The following CDC26 variants were observed in gnomAD, a reference collection of about 807,000 sequenced individuals.
CDC26 encodes the protein anaphase-promoting complex subunit CDC26.
A neutral mutation model predicts 8.0 loss-of-function variants in CDC26; 2 were observed. The observed-to-expected ratio is 0.25, with a 90% CI of 0.10 to 0.79. The LOEUF (loss-of-function observed/expected upper bound fraction) is 0.79. Ranked by LOEUF, CDC26 falls within the 30% of genes least tolerant of loss-of-function variation. CDC26 has a pLI of 0.70. For synonymous variants in CDC26, 19 were observed against 34.9 expected (o/e 0.55, Z 1.60); for missense variants, 68 against 106.0 (o/e 0.64, Z 1.57).
chr9:113,274,669 C>T (rs914053647), intron 1 of CDC26, among the ~76,000 whole-genome samples: 1 of 152,202 alleles, frequency 6.6e-6, no homozygotes, highest in African/African-American at 2.4e-5. Context: ...ACTACACCAC[C>T]GATCCTGAAC....
Position 113,272,414 on chromosome 9 carries a change from G to A in CDC26, c.81+13C>T, listed in dbSNP as rs759841509. On this transcript the variant is annotated intron_variant, in intron 3 of 3. Coordinates refer to ENST00000374206, the MANE Select transcript of CDC26 (RefSeq NM_139286.4). Reference sequence around the variant, plus strand: ...AGACTCCATCTCAAAAAAACACAAAGTTGTATTCATACCTCCAGGTCCTTT... The same window carrying A: ...AGACTCCATCTCAAAAAAACACAAAATTGTATTCATACCTCCAGGTCCTTT... 1 of 1,599,352 alleles carries A rather than the reference G, an allele frequency of 6.3e-7. No individual in the cohort carries two copies. The highest frequency in any genetic ancestry group is 8.6e-7 in the Non-Finnish European group (1 of 1,168,278).
chr9:113,275,515 T>C lies in CDC26; in HGVS notation c.-285A>G, dbSNP rs1832053588. 4.1e-6 allele frequency: 2 copies of C among 487,572 alleles called. No individual in the cohort carries two copies. Among genetic ancestry groups the C allele is most frequent in the Non-Finnish European group, 7.4e-6 (2 of 271,638 alleles). 30.2% of individuals were successfully genotyped at this position (487,572 alleles called of 1,614,324 possible). A position where few individuals can be genotyped will look rare whatever the true frequency, so the allele number is the denominator to read the frequency against. On this transcript the variant is annotated 5_prime_UTR_variant, in exon 1 of 4. Transcript: ENST00000374206. ...CCGCAGAACCTCGTCTTCCGCGAGC[T>C]TTTCCTGGAGGTTCTAGGAGGGATG...
At chr9:113,271,996 T>C (rs985521379) in intron 3 of CDC26, among the ~76,000 whole-genome samples, 3 of 152,120 alleles carry the variant, frequency 2.0e-5, no homozygotes, top group Non-Finnish European at 4.4e-5. Context: ...CTGCCCAACA[T>C]AGAGACAAGG....
At position 113,272,310 on chromosome 9, in the gene CDC26, C is replaced by G. The variant is rs574384410; in HGVS notation, c.81+117G>C. The G allele has an allele frequency of 5.7e-5, 43 of 751,890 alleles. 3 individuals are homozygous for G. In the South Asian group the frequency reaches 6.5e-4, roughly 11 times the overall value. The allele number at this position is 751,890 out of a possible 1,614,324, so 46.6% of individuals were successfully genotyped here. A position where few individuals can be genotyped will look rare whatever the true frequency, so the allele number is the denominator to read the frequency against. ...GGCATGAACCTGTGGTCCCAGCACG[C>G]GGGAGGCTGAGGCAGAGGAGGCAGA... On this transcript the variant is annotated intron_variant, in intron 3 of 3. Coordinates refer to ENST00000374206, the MANE Select transcript of CDC26 (RefSeq NM_139286.4).
chr9:113,269,120 C>T (rs1313970680), intron 3 of CDC26, among the ~76,000 whole-genome samples: 1 of 152,084 alleles, frequency 6.6e-6, no homozygotes, highest in African/African-American at 2.4e-5. Context: ...ATTCAGGGGG[C>T]CTGATGTGGT....
At chr9:113,268,782 GTCTC>G (rs1218591517) in intron 3 of CDC26, among the ~76,000 whole-genome samples, 3 of 151,946 alleles carry the variant, frequency 2.0e-5, no homozygotes, top group Admixed American at 1.3e-4. Context: ...TTTAGACTGA[GTCTC>G]TGTCTGTTGC....
At chr9:113,267,847 C>T (rs1831887439) in intron 3 of CDC26, among the ~76,000 whole-genome samples, 2 of 152,208 alleles carry the variant, frequency 1.3e-5, no homozygotes, top group South Asian at 4.1e-4. Flanking sequence ...ATTAGCTGGG[C>T]ATGGTGGCGC....
chr9:113,272,589 A>G (rs1831976603), intron 2 of CDC26, 41 bp from the exon 3 acceptor site: 3 of 949,130 alleles, frequency 3.2e-6, no homozygotes, highest in Admixed American at 1.8e-5. Flanking sequence ...TGAAGGTGAT[A>G]AAGTCTCAGA....
At chr9:113,269,240 A>T (rs140684401) in intron 3 of CDC26, among the ~76,000 whole-genome samples, 38 of 152,324 alleles carry the variant, frequency 2.5e-4, no homozygotes, top group East Asian at 2.3e-3. Flanking sequence ...AAATAAAAAA[A>T]AAAAATAAAT....
In CDC26 at chr9:113,272,450, C is replaced by T; in HGVS notation, c.58G>A (p.Glu20Lys). 6.2e-7 allele frequency: 1 copy of T among 1,612,668 alleles called. No homozygotes were observed. Among genetic ancestry groups the T allele is most frequent in the Non-Finnish European group, 8.5e-7 (1 of 1,179,588 alleles). The change falls in exon 3 of 4, where the codon GAG becomes AAG. Residue 20 changes from glutamate (E) to lysine (K), a missense_variant. Transcript: ENST00000374206. Reference sequence around the variant, plus strand: ...ACCTCCAGGTCCTTTCGAATGTTCTCAAACTCTTCAATGTCATCAAGCTTT... The same window carrying T: ...ACCTCCAGGTCCTTTCGAATGTTCTTAAACTCTTCAATGTCATCAAGCTTT... The part of the protein sequence containing the change: ...ELKLDDIEEF[E>K]NIRKDLETRK...
chr9:113,269,808 A>T (rs1415590811), intron 3 of CDC26, among the ~76,000 whole-genome samples: 1 of 152,238 alleles, frequency 6.6e-6, no homozygotes, highest in Non-Finnish European at 1.5e-5. Context: ...AGGGGGAAAG[A>T]AATCTAAGTT....
chr9:113,270,528 T>C (rs12336832), intron 3 of CDC26, among the ~76,000 whole-genome samples: 14,000 of 152,144 alleles, frequency 0.092, 993 homozygotes, highest in African/African-American at 0.19. Context: ...AATATGGTGC[T>C]TTGTGAGAGC....
chr9:113,272,514 G>A lies in CDC26; in HGVS notation c.-7C>T. 1 of 1,601,656 alleles carries A rather than the reference G, an allele frequency of 6.2e-7. No individual in the cohort carries two copies. The highest frequency in any genetic ancestry group is 8.6e-7 in the Non-Finnish European group (1 of 1,168,650). ...TTGGTTTCCGTCTCAGCATACTGAA[G>A]TCAACACTAAGGGCCAAACCCAGTG... On this transcript the variant is annotated 5_prime_UTR_variant, in exon 3 of 4. Transcript: ENST00000374206.
intron 3 of CDC26, 147 bp downstream of exon 3, chr9:113,272,280 G>A (rs557410935): frequency 9.6e-5 from 61 of 633,294 alleles, no homozygotes; most frequent in African/African-American, 7.8e-4. Flanking sequence ...TGAGCTGGGC[G>A]TGCTGGCATG....
Position 113,270,249 on chromosome 9 carries a change from G to GC in CDC26, c.81+2177dup, listed in dbSNP as rs1248376207. 2.6e-5 allele frequency among the ~76,000 whole-genome samples: 4 copies of GC among 152,260 alleles called. No individual in the cohort carries two copies. The East Asian group carries it at 5.8e-4, about 22-fold the overall frequency. ...CCCAGCAGTGAAAGTGGAGAGATAA[G>GC]CAAGGACCAGCTCACAAGGAGCTCA... On this transcript the variant is annotated intron_variant, in intron 3 of 3. Transcript: ENST00000374206.
intron 3 of CDC26, among the ~76,000 whole-genome samples, chr9:113,269,241 A>T (rs527940373): frequency 2.0e-5 from 3 of 152,314 alleles, no homozygotes; most frequent in East Asian, 3.9e-4. Flanking sequence ...AATAAAAAAA[A>T]AAAATAAATG....
intron 3 of CDC26, among the ~76,000 whole-genome samples, chr9:113,267,857 C>T (rs529838718): frequency 1.3e-5 from 2 of 152,222 alleles, no homozygotes; most frequent in East Asian, 3.9e-4. Flanking sequence ...CATGGTGGCG[C>T]ATGCCTGTAA....
rs1832049415 is a variant in CDC26, at chr9:113,275,375, CACCT to C, written c.-152+3_-152+6del. The C allele has an allele frequency of 4.5e-6, 1 of 223,304 alleles. No individual in the cohort carries two copies. The highest frequency in any genetic ancestry group is 5.8e-5 in the Admixed American group (1 of 17,116). The allele number at this position is 223,304 out of a possible 1,614,324, so 13.8% of individuals were successfully genotyped here. On this transcript the variant is annotated splice_donor_5th_base_variant and intron_variant, in intron 1 of 3. Transcript: ENST00000374206. ...CAGCCCCGAGCCGCGCGAGTCGACTCACCTACCTCTTTTCAAGCCGGCCTAGCCC... is the reference window on the plus strand; with the variant it reads ...CAGCCCCGAGCCGCGCGAGTCGACTCACCTCTTTTCAAGCCGGCCTAGCCC...
chr9:113,268,799 G>A (rs1831906146), intron 3 of CDC26, among the ~76,000 whole-genome samples: 1 of 152,082 alleles, frequency 6.6e-6, no homozygotes, highest in African/African-American at 2.4e-5. Context: ...TCTGTTGCCA[G>A]GCTGGAGTGT....
Sources: gnomAD v4.1 joint callset for allele counts (sites outside exome capture counted in the v4.1 genomes callset) on GRCh38, gnomAD v4.1.1 for gene constraint, MANE v1.5 for transcripts, NCBI Gene and HGNC (gene_info 2026-07-23, HGNC 2026-07-21) for gene names.